Variants in GRIP2 observed in about 807,000 individuals in gnomAD.
GRIP2 encodes glutamate receptor-interacting protein 2.
Under a neutral mutation model 108.3 loss-of-function variants are expected in GRIP2, and 58 were observed. The observed-to-expected ratio is 0.54, with a 90% CI of 0.43 to 0.67. GRIP2 has a LOEUF of 0.67. Among genes scored for constraint, GRIP2 ranks in the 30% least tolerant of loss-of-function variants. The pLI is 0.00. For synonymous variants in GRIP2, 586 were observed against 598.2 expected, an observed-to-expected ratio of 0.98 and a Z score of 0.30; for missense variants, 1,278 against 1,430.6, an observed-to-expected ratio of 0.89 and a Z score of 1.72.
intron 13 of GRIP2, among the ~76,000 whole-genome samples, chr3:14,513,213 T>G (rs1365161780): frequency 6.6e-6 from 1 of 152,192 alleles, no homozygotes; most frequent in Non-Finnish European, 1.5e-5. Context: ...GGTATTTTCA[T>G]GTTTTCATTT....
At chr3:14,563,013 GAAAA>G in the GRIP2 span, among the ~76,000 whole-genome samples, 1 of 149,988 alleles carries the variant, frequency 6.7e-6, no homozygotes, top group Non-Finnish European at 1.5e-5. Context: ...GAGAGTGGGG[GAAAA>G]AAAAAAGGAG....
chr3:14,534,260 T>C (rs954309836), intron 1 of GRIP2, among the ~76,000 whole-genome samples: 1 of 152,178 alleles, frequency 6.6e-6, no homozygotes, highest in Non-Finnish European at 1.5e-5. Flanking sequence ...TTTTCCCCTC[T>C]GTAAAATGGG....
chr3:14,506,289 C>T (rs1466220546), intron 19 of GRIP2, among the ~76,000 whole-genome samples: 1 of 152,126 alleles, frequency 6.6e-6, no homozygotes, highest in Non-Finnish European at 1.5e-5. Context: ...GTCATTGAGG[C>T]CAGCTGGCCA....
At chr3:14,580,764 G>A in the GRIP2 span, among the ~76,000 whole-genome samples, 774 of 152,260 alleles carry the variant, frequency 5.1e-3, 1 homozygote, top group Non-Finnish European at 8.6e-3. Flanking sequence ...GTGCCCAGTT[G>A]TTTGGTCAAA....
At chr3:14,563,611 C>T in the GRIP2 span, among the ~76,000 whole-genome samples, 661 of 152,146 alleles carry the variant, frequency 4.3e-3, 1 homozygote, top group Non-Finnish European at 6.9e-3. Context: ...AACACCATCC[C>T]TCTGGCTGCT....
At chr3:14,529,071 C>T (rs111717469) in intron 1 of GRIP2, among the ~76,000 whole-genome samples, 2 of 150,754 alleles carry the variant, frequency 1.3e-5, no homozygotes, top group South Asian at 4.2e-4. Flanking sequence ...GAGATCAAAA[C>T]CATCCTGGCT....
rs1694121461 is a variant in GRIP2 at position 14,512,412 on chromosome 3, T to TA, written c.1720+364dup. ...CTTTGACAAACATGAATTAAGCACC[T>TA]ACTGTGTTCCAGGCCTTTGCTGGGC... On this transcript the variant is annotated intron_variant, in intron 14 of 23. Coordinates refer to ENST00000621039, the MANE Select transcript of GRIP2 (RefSeq NM_001080423.4). The surrounding 1 kb of genome is among the most constrained non-coding windows in gnomAD (Gnocchi z 5.1). Among the ~76,000 whole-genome samples the TA allele has an allele frequency of 6.6e-6, 1 of 152,200 alleles. No homozygotes were observed. Among genetic ancestry groups the TA allele is most frequent in the Non-Finnish European group, 1.5e-5 (1 of 68,034 alleles).
chr3:14,564,143 C>T, the GRIP2 span, among the ~76,000 whole-genome samples: 1 of 152,218 alleles, frequency 6.6e-6, no homozygotes, highest in Non-Finnish European at 1.5e-5. Flanking sequence ...TCAGTATGGG[C>T]TAGGGCGGCT....
intron 1 of GRIP2, among the ~76,000 whole-genome samples, chr3:14,534,897 C>T (rs1694797664): frequency 6.6e-6 from 1 of 152,164 alleles, no homozygotes; most frequent in Non-Finnish European, 1.5e-5. Context: ...GCTGCCTTCG[C>T]CAGGGTCCTG....
chr3:14,544,406 T>A (rs1695026638), upstream of GRIP2, among the ~76,000 whole-genome samples: 1 of 152,270 alleles, frequency 6.6e-6, no homozygotes, highest in Non-Finnish European at 1.5e-5. Flanking sequence ...ACCAAGCCCA[T>A]GCTGCGCAGA....
the GRIP2 span, among the ~76,000 whole-genome samples, chr3:14,589,831 A>G: frequency 7.4e-6 from 1 of 135,288 alleles, no homozygotes; most frequent in Non-Finnish European, 1.5e-5. Context: ...CCCAGGCTGG[A>G]GTGTAGTGGT....
At chr3:14,524,870 T>G (rs13066486) in intron 3 of GRIP2, among the ~76,000 whole-genome samples, 59,829 of 152,066 alleles carry the variant, frequency 0.39, 12,892 homozygotes, top group South Asian at 0.6. Flanking sequence ...CCACCAACCT[T>G]CCTGCTGTTC....
At chr3:14,498,508 G>C (rs201703855) in intron 21 of GRIP2, among the ~76,000 whole-genome samples, 2 of 152,070 alleles carry the variant, frequency 1.3e-5, no homozygotes, top group African/African-American at 4.8e-5. Flanking sequence ...GGTTGGAGTG[G>C]GGGGGAAGAT....
intron 1 of GRIP2, among the ~76,000 whole-genome samples, chr3:14,530,325 ATCCCCCCAT>A (rs1447001426): frequency 2.0e-5 from 3 of 152,056 alleles, no homozygotes; most frequent in African/African-American, 7.2e-5. Flanking sequence ...ACGCACAAAC[ATCCCCCCAT>A]TCCTGCTGCC....
rs1055896751 is a variant in GRIP2 at position 14,511,751 on chromosome 3, A to G, written c.1721-272T>C. Among the ~76,000 whole-genome samples, 4 of 152,186 alleles carry G rather than the reference A, an allele frequency of 2.6e-5. No homozygotes were observed. The highest frequency in any genetic ancestry group is 4.4e-5 in the Non-Finnish European group (3 of 68,038). On this transcript the variant is annotated intron_variant, in intron 14 of 23. Coordinates refer to ENST00000621039, the MANE Select transcript of GRIP2 (RefSeq NM_001080423.4). This position sits in a 1 kb window ranked among gnomAD's most constrained non-coding sequence, Gnocchi z 4.1. The stretch of plus-strand genomic sequence containing the variant: ...CACAAGATCCAGCATGGCCCTTCCA[A>G]TGCCAGCTCTTCTTTCCTCCTGCTC...
intron 1 of GRIP2, among the ~76,000 whole-genome samples, chr3:14,530,036 A>G (rs1694668010): frequency 6.6e-6 from 1 of 152,218 alleles, no homozygotes; most frequent in South Asian, 2.1e-4. Context: ...TTTCAGAACC[A>G]TGGAGGTATT....
intron 23 of GRIP2, 80 bp from the exon 24 acceptor site, chr3:14,493,906 C>T: frequency 6.7e-7 from 1 of 1,483,088 alleles, no homozygotes; most frequent in Non-Finnish European, 9.1e-7. Context: ...ATGTGATGTC[C>T]TAAAGATGGG....
the GRIP2 span, among the ~76,000 whole-genome samples, chr3:14,590,353 C>T: frequency 6.6e-6 from 1 of 152,072 alleles, no homozygotes; most frequent in Non-Finnish European, 1.5e-5. Context: ...GTTGTAAATA[C>T]CACTCCTCCT....
chr3:14,511,368 T>C lies in GRIP2; in HGVS notation c.1787+45A>G. The C allele has an allele frequency of 1.2e-6, 2 of 1,613,936 alleles. No homozygotes were observed. The highest frequency in any genetic ancestry group is 1.7e-6 in the Non-Finnish European group (2 of 1,179,816). On this transcript the variant is annotated intron_variant, in intron 15 of 23. Coordinates refer to ENST00000621039, the MANE Select transcript of GRIP2 (RefSeq NM_001080423.4). This position sits in a 1 kb window ranked among gnomAD's most constrained non-coding sequence, Gnocchi z 4.1. ...AGCCTGGTGCATGCAGGTGCCATAC[T>C]CACTGCTGTTGGCCACTTCCCTTCC...
Sources: allele counts gnomAD v4.1 joint callset (sites outside exome capture counted in the v4.1 genomes callset), GRCh38; gene constraint gnomAD v4.1.1; non-coding constraint Gnocchi (gnomAD v3.1); transcripts MANE v1.5; gene names NCBI Gene and HGNC (gene_info 2026-07-23, HGNC 2026-07-21).